JOSD1: variants seen among roughly 807,000 people sequenced by gnomAD.
The protein encoded by JOSD1 is Josephin domain containing 1.
In JOSD1, 11 loss-of-function variants were observed where a neutral mutation model predicts 24.3. The observed-to-expected ratio is 0.45, with a 90% CI of 0.29 to 0.75. JOSD1 has a LOEUF of 0.75. Among genes scored for constraint, JOSD1 ranks in the 30% least tolerant of loss-of-function variants. The probability of loss-of-function intolerance (pLI) is 0.11; values close to 1 mark genes in which losing one functional copy is unlikely to be tolerated. For synonymous variants in JOSD1, 106 were observed against 93.8 expected (o/e 1.13, Z -0.75); for missense variants, 184 against 253.5 (o/e 0.73, Z 1.86).
intron 2 of JOSD1, among the ~76,000 whole-genome samples, chr22:38,698,402 T>G (rs2092553986): frequency 6.6e-6 from 1 of 152,228 alleles, no homozygotes; most frequent in South Asian, 2.1e-4. Flanking sequence ...CTCCTAAGAG[T>G]AGGCCTTTGG....
chr22:38,697,002 T>C (rs2092548833), intron 2 of JOSD1, among the ~76,000 whole-genome samples: 1 of 152,246 alleles, frequency 6.6e-6, no homozygotes, highest in Non-Finnish European at 1.5e-5. Flanking sequence ...TCCAAATTGA[T>C]CACTTTTCAC....
In JOSD1 at chr22:38,687,849, C is replaced by T. The variant is rs2092504549; in HGVS notation, c.*53G>A. 3 of 1,241,028 alleles carry T rather than the reference C, an allele frequency of 2.4e-6. No individual in the cohort carries two copies. The highest frequency in any genetic ancestry group is 4.6e-5 in the East Asian group (2 of 43,174). 76.9% of individuals were successfully genotyped at this position (1,241,028 alleles called of 1,614,324 possible). On this transcript the variant is annotated 3_prime_UTR_variant, in exon 5 of 5. Transcript: ENST00000683374. ...GGCAGACCCACTGTAGAGGCCACAG[C>T]ACGTCACAGAGGACTGAAGGGGCTG...
Position 38,700,913 on chromosome 22 carries a change from C to G in JOSD1, c.-745G>C. On this transcript the variant is annotated 5_prime_UTR_variant, in exon 1 of 5. Coordinates refer to ENST00000683374, the MANE Select transcript of JOSD1 (RefSeq NM_001360236.2). ...CTGGCGGTCCCCTCACCGCAGCCGG[C>G]CGCCACCTGGAGTGCGCGCCGCCAA... 1 of 984,390 alleles carries G rather than the reference C, an allele frequency of 1.0e-6. No individual in the cohort carries two copies. 61.0% of individuals were successfully genotyped at this position (984,390 alleles called of 1,614,324 possible).
intron 2 of JOSD1, among the ~76,000 whole-genome samples, chr22:38,698,877 C>A (rs2092555950): frequency 6.6e-6 from 1 of 152,188 alleles, no homozygotes; most frequent in Admixed American, 6.5e-5. Context: ...CTGCCTCAGC[C>A]TCCCGACTAG....
At chr22:38,690,183 G>T (rs1417926626) in intron 2 of JOSD1, among the ~76,000 whole-genome samples, 1 of 152,066 alleles carries the variant, frequency 6.6e-6, no homozygotes, top group Admixed American at 6.6e-5. Flanking sequence ...AGGCCATTTT[G>T]AAGGAAGGGT....
Position 38,691,496 on chromosome 22 carries a change from G to A in JOSD1, c.186-2072C>T, listed in dbSNP as rs117475882. Among the ~76,000 whole-genome samples the A allele has an allele frequency of 2.6e-3, 400 of 152,144 alleles. 9 individuals carry two copies. The East Asian group carries it at 0.047, about 18-fold the overall frequency. On this transcript the variant is annotated intron_variant, in intron 2 of 4. Coordinates refer to ENST00000683374, the MANE Select transcript of JOSD1 (RefSeq NM_001360236.2). ...TCCTTTGGCATGCAAGGCCCTCAAG[G>A]TCCTGCAGATCTCATCTCTTACCTT...
rs1310779309 is a variant in JOSD1 at position 38,700,525 on chromosome 22, C to A, written c.-538G>T. 104 of 986,030 alleles carry A rather than the reference C, an allele frequency of 1.1e-4. No individual in the cohort carries two copies. Among genetic ancestry groups the A allele is most frequent in the Non-Finnish European group, 1.2e-4 (101 of 830,428 alleles). The allele number at this position is 986,030 out of a possible 1,614,324, so 61.1% of individuals were successfully genotyped here. A position where few individuals can be genotyped will look rare whatever the true frequency, so the allele number is the denominator to read the frequency against. The stretch of plus-strand genomic sequence containing the variant: ...CGTGGGACCGCGAGCCGCGCGGGGG[C>A]CTCGGGGGCAGCCCTCCATCCCCTC... On this transcript the variant is annotated 5_prime_UTR_variant, in exon 2 of 5. Transcript: ENST00000683374.
At position 38,700,083 on chromosome 22, in the gene JOSD1, G is replaced by A. The variant is rs968910495; in HGVS notation, c.-96C>T. ...TCTCAGTCTTTTCCGGATTCCTGAG[G>A]TCCACCTTATTCTCTGGTGTCCATG... is the stretch of plus-strand genomic sequence containing the variant. On this transcript the variant is annotated 5_prime_UTR_variant, in exon 2 of 5. Coordinates refer to ENST00000683374, the MANE Select transcript of JOSD1 (RefSeq NM_001360236.2). The A allele has an allele frequency of 6.7e-7, 1 of 1,493,252 alleles. No homozygotes were observed. Among genetic ancestry groups the A allele is most frequent in the East Asian group, 2.4e-5 (1 of 42,364 alleles). 92.5% of individuals were successfully genotyped at this position (1,493,252 alleles called of 1,614,324 possible).
At chr22:38,691,685 T>C (rs868676358) in intron 2 of JOSD1, among the ~76,000 whole-genome samples, 1 of 152,290 alleles carries the variant, frequency 6.6e-6, no homozygotes, top group African/African-American at 2.4e-5. Context: ...TTTTCTTTTT[T>C]TGAGACAGAG....
chr22:38,700,668 G>T, intron 1 of JOSD1, 50 bp from the exon 2 acceptor site: 1 of 979,846 alleles, frequency 1.0e-6, no homozygotes, highest in Non-Finnish European at 1.2e-6. Flanking sequence ...CGCGGGAAGT[G>T]AGCGGCGGGG....
At chr22:38,688,152 A>G in intron 4 of JOSD1, 151 bp from the exon 5 acceptor site, 1 of 636,312 alleles carries the variant, frequency 1.6e-6, no homozygotes, top group Non-Finnish European at 2.8e-6. Flanking sequence ...ACATTTGGTT[A>G]CCCTCCAATC....
At chr22:38,701,051 C>T, upstream of JOSD1, 1 of 912,200 alleles carries the variant, frequency 1.1e-6, no homozygotes, top group Non-Finnish European at 1.3e-6. Flanking sequence ...GCCGTGGCGT[C>T]ACGCCTGACG....
At chr22:38,696,385 G>A (rs1305654141) in intron 2 of JOSD1, among the ~76,000 whole-genome samples, 5 of 151,890 alleles carry the variant, frequency 3.3e-5, no homozygotes, top group Admixed American at 1.3e-4. Context: ...CTACAGGCGT[G>A]TGCCATCACC....
chr22:38,694,723 G>A (rs1555987920), intron 2 of JOSD1, among the ~76,000 whole-genome samples: 2 of 152,032 alleles, frequency 1.3e-5, no homozygotes, highest in Admixed American at 1.3e-4. Flanking sequence ...GTAGCCGGGC[G>A]TGGTGGTGGG....
intron 2 of JOSD1, among the ~76,000 whole-genome samples, chr22:38,693,442 C>T: frequency 6.6e-6 from 1 of 152,208 alleles, no homozygotes; most frequent in East Asian, 1.9e-4. Context: ...CCAAATTCAC[C>T]AAGGCATCAA....
At chr22:38,696,034 C>A (rs956456960) in intron 2 of JOSD1, among the ~76,000 whole-genome samples, 2 of 151,998 alleles carry the variant, frequency 1.3e-5, no homozygotes, top group Non-Finnish European at 2.9e-5. Flanking sequence ...CCAGCCTAGG[C>A]AGACAGAGCA....
chr22:38,700,754 G>C, intron 1 of JOSD1, 46 bp downstream of exon 1: 1 of 984,102 alleles, frequency 1.0e-6, no homozygotes, highest in Non-Finnish European at 1.2e-6. Flanking sequence ...AGTCAGCCTC[G>C]CGCTCCCGGG....
chr22:38,698,285 T>A (rs1042784454), intron 2 of JOSD1, among the ~76,000 whole-genome samples: 1 of 152,220 alleles, frequency 6.6e-6, no homozygotes, highest in Non-Finnish European at 1.5e-5. Flanking sequence ...ATAATGGCCA[T>A]GATGCAAATG....
chr22:38,691,370 A>G (rs1297148647), intron 2 of JOSD1, among the ~76,000 whole-genome samples: 2 of 151,772 alleles, frequency 1.3e-5, no homozygotes, highest in Non-Finnish European at 1.5e-5. Flanking sequence ...AAAAAAGAAA[A>G]AAAAAAAAAA....
Sources: allele counts gnomAD v4.1 joint callset (sites outside exome capture counted in the v4.1 genomes callset), GRCh38; gene constraint gnomAD v4.1.1; transcripts MANE v1.5; gene names NCBI Gene and HGNC (gene_info 2026-07-23, HGNC 2026-07-21).